Variants in METAP2 observed in about 807,000 individuals in gnomAD.
METAP2 encodes methionyl aminopeptidase 2.
In METAP2, 25 loss-of-function variants were observed where a neutral mutation model predicts 59.4. That is an observed-to-expected ratio of 0.42 (90% CI 0.31 to 0.59). METAP2 has a LOEUF of 0.59. Among genes scored for constraint, METAP2 ranks in the 20% least tolerant of loss-of-function variants. METAP2 has a pLI of 0.16. For missense variants in METAP2, 366 were observed against 581.2 expected, an observed-to-expected ratio of 0.63 and a Z score of 3.81; for synonymous variants, 214 against 194.1, an observed-to-expected ratio of 1.10 and a Z score of -0.85.
chr12:95,497,316 A>C (rs1455661294), intron 7 of METAP2, among the ~76,000 whole-genome samples: 1 of 152,192 alleles, frequency 6.6e-6, no homozygotes, highest in Non-Finnish European at 1.5e-5. Context: ...TTACTGCTGT[A>C]AGTACCTCAT....
chr12:95,504,742 G>A (rs569409123), intron 8 of METAP2, among the ~76,000 whole-genome samples: 52 of 152,286 alleles, frequency 3.4e-4, no homozygotes, highest in African/African-American at 1.1e-3. Context: ...GAGCTCAAGC[G>A]ATCCTCCCAC....
chr12:95,481,981 G>T, intron 2 of METAP2: 1 of 279,842 alleles, frequency 3.6e-6, no homozygotes, highest in Non-Finnish European at 7.2e-6. Flanking sequence ...ACATTTAATG[G>T]GGTGAAGAAG....
intron 8 of METAP2, among the ~76,000 whole-genome samples, chr12:95,505,368 C>T (rs958827541): frequency 6.6e-6 from 1 of 152,190 alleles, no homozygotes; most frequent in Non-Finnish European, 1.5e-5. Context: ...CGCTCTGTTG[C>T]TCAGGCTGGG....
chr12:95,496,128 C>A, intron 7 of METAP2, 30 bp downstream of exon 7: 1 of 1,425,224 alleles, frequency 7.0e-7, no homozygotes, highest in Non-Finnish European at 9.8e-7. Flanking sequence ...CATTTCATTC[C>A]CAATATTTTG....
At chr12:95,484,968 A>G (rs554889977) in intron 3 of METAP2, 17 of 438,798 alleles carry the variant, frequency 3.9e-5, no homozygotes, top group African/African-American at 3.3e-4. Flanking sequence ...TTCTTGAATC[A>G]TTTCTGTAAC....
chr12:95,476,994 G>T (rs547870637), intron 2 of METAP2, among the ~76,000 whole-genome samples: 3 of 152,162 alleles, frequency 2.0e-5, no homozygotes, highest in Non-Finnish European at 4.4e-5. Context: ...TTTACAGATA[G>T]GGAAGTGGTA....
chr12:95,497,007 TAG>T (rs1282675966), intron 7 of METAP2, among the ~76,000 whole-genome samples: 6 of 151,926 alleles, frequency 3.9e-5, no homozygotes, highest in Non-Finnish European at 8.8e-5. Flanking sequence ...ATGTTTCTAG[TAG>T]AGATGGGGTT....
At chr12:95,484,029 A>G (rs1053332272) in intron 3 of METAP2, among the ~76,000 whole-genome samples, 8 of 152,148 alleles carry the variant, frequency 5.3e-5, no homozygotes, top group African/African-American at 1.9e-4. Context: ...CCGAAAATAT[A>G]TTAAGGAGGC....
At chr12:95,512,713 A>T in intron 9 of METAP2, 88 bp from the exon 10 acceptor site, 1 of 748,454 alleles carries the variant, frequency 1.3e-6, no homozygotes, top group Non-Finnish European at 2.2e-6. Flanking sequence ...TCTGTCTCAA[A>T]AAGAGAGAGA....
At chr12:95,474,416 G>A (rs2076102320) in intron 1 of METAP2, 86 bp downstream of exon 1, 2 of 1,424,186 alleles carry the variant, frequency 1.4e-6, no homozygotes, top group African/African-American at 2.9e-5. Context: ...CGGGACCGGG[G>A]CCCCAGAGCC....
chr12:95,482,057 A>C (rs530570022), intron 2 of METAP2: 1 of 396,388 alleles, frequency 2.5e-6, no homozygotes, highest in African/African-American at 2.1e-5. Context: ...GCCTTTTGTT[A>C]GGCTTTTGAA....
At chr12:95,491,345 C>G (rs949510509) in intron 4 of METAP2, among the ~76,000 whole-genome samples, 1 of 152,076 alleles carries the variant, frequency 6.6e-6, no homozygotes, top group Non-Finnish European at 1.5e-5. Context: ...TTCATTCCTT[C>G]TACATTTATT....
chr12:95,505,136 C>G (rs1033879396), intron 8 of METAP2, among the ~76,000 whole-genome samples: 2 of 152,102 alleles, frequency 1.3e-5, no homozygotes, highest in African/African-American at 2.4e-5. Flanking sequence ...TGAGTGGAGA[C>G]TCTCATGTTG....
chr12:95,488,511 CAAAAAAAAAAAAAAA>C (rs537119415), intron 4 of METAP2, among the ~76,000 whole-genome samples: 3 of 76,578 alleles, frequency 3.9e-5, no homozygotes, highest in African/African-American at 5.0e-5. Flanking sequence ...TTTGTCTCAC[CAAAAAAAAAAAAAAA>C]AAAAAAAAAA....
chr12:95,484,692 T>C (rs2076182817), intron 3 of METAP2: 1 of 353,872 alleles, frequency 2.8e-6, no homozygotes, highest in Non-Finnish European at 5.4e-6. Flanking sequence ...CTGTTCATTA[T>C]ATTTCTTTAT....
In METAP2 at chr12:95,504,949, C is replaced by T. The variant is rs371675190; in HGVS notation, c.964+788C>T. On this transcript the variant is annotated intron_variant, in intron 8 of 10. Transcript: ENST00000323666. Reference sequence around the variant, plus strand: ...GTCCCCTGTGCTTTCTGGTGCTGTACGTTAACCTCTGTCAGTCCAGTCCTC... The same window carrying T: ...GTCCCCTGTGCTTTCTGGTGCTGTATGTTAACCTCTGTCAGTCCAGTCCTC... Among the ~76,000 whole-genome samples, 17 of 152,294 alleles carry T rather than the reference C, an allele frequency of 1.1e-4. No individual in the cohort carries two copies. In the South Asian group the frequency reaches 3.1e-3, roughly 28 times the overall value.
At chr12:95,498,945 G>A (rs940855593) in intron 7 of METAP2, among the ~76,000 whole-genome samples, 45 of 152,036 alleles carry the variant, frequency 3.0e-4, no homozygotes, top group African/African-American at 1.0e-3. Context: ...AGCCCAGGGA[G>A]GTTGAGGCCT....
chr12:95,476,152 A>T lies in METAP2; in HGVS notation c.233A>T (p.Asp78Val). The change falls in exon 2 of 11, where the codon GAT becomes GTT. Residue 78 changes from aspartate (D) to valine (V), a missense_variant. Physicochemically the swap from Asp to Val is radical, Grantham distance 152 (BLOSUM62 -3). Coordinates refer to ENST00000323666, the MANE Select transcript of METAP2 (RefSeq NM_006838.4). The stretch of plus-strand genomic sequence containing the variant: ...CAGTTGGAAAGATCAGCATTGGAAG[A>T]TAAAGAAAGAGATGAAGATGATGAA... ...ARQLERSALE[D>V]KERDEDDEDG... 2 of 1,608,278 alleles carry T rather than the reference A, an allele frequency of 1.2e-6. No individual in the cohort carries two copies. The highest frequency in any genetic ancestry group is 1.7e-6 in the Non-Finnish European group (2 of 1,176,432).
intron 10 of METAP2, 44 bp downstream of exon 10, chr12:95,512,960 CTT>C: frequency 3.5e-6 from 4 of 1,127,314 alleles, no homozygotes; most frequent in Non-Finnish European, 5.4e-6. Context: ...ATTAGCATCT[CTT>C]CTGAGTTAAC....
Sources: gnomAD v4.1 joint callset for allele counts (sites outside exome capture counted in the v4.1 genomes callset) on GRCh38, gnomAD v4.1.1 for gene constraint, MANE v1.5 for transcripts, NCBI Gene and HGNC (gene_info 2026-07-23, HGNC 2026-07-21) for gene names.